The following CADM1 variants were observed in gnomAD, a reference collection of about 807,000 sequenced individuals.
CADM1 encodes TSLC-1.
In CADM1, 15 loss-of-function variants were observed where a neutral mutation model predicts 53.1. The ratio of observed to expected loss-of-function variants is 0.28; its 90% CI spans 0.19 to 0.44. CADM1 has a LOEUF of 0.44. Ranked by LOEUF, CADM1 falls within the 20% of genes least tolerant of loss-of-function variation. The probability of loss-of-function intolerance (pLI) is 1.00; values close to 1 mark genes in which losing one functional copy is unlikely to be tolerated. For missense variants in CADM1, 434 were observed against 611.3 expected, an observed-to-expected ratio of 0.71 and a Z score of 3.06; for synonymous variants, 281 against 243.0, an observed-to-expected ratio of 1.16 and a Z score of -1.45.
At chr11:115,255,680 T>C (rs1942761969) in intron 1 of CADM1, among the ~76,000 whole-genome samples, 1 of 152,214 alleles carries the variant, frequency 6.6e-6, no homozygotes, top group South Asian at 2.1e-4. Flanking sequence ...TCATGAATCC[T>C]AGCCACCAAA....
intron 1 of CADM1, among the ~76,000 whole-genome samples, chr11:115,311,238 A>T (rs550639122): frequency 7.2e-5 from 11 of 152,284 alleles, no homozygotes; most frequent in South Asian, 2.1e-4. Context: ...AAAAATTTTT[A>T]AAAGATTTAA....
intron 1 of CADM1, among the ~76,000 whole-genome samples, chr11:115,277,823 T>C (rs1411196089): frequency 6.6e-6 from 1 of 152,158 alleles, no homozygotes; most frequent in African/African-American, 2.4e-5. Flanking sequence ...ACAGACAGAA[T>C]AGACAAAAAG....
intron 1 of CADM1, among the ~76,000 whole-genome samples, chr11:115,495,870 G>C (rs1949599108): frequency 6.6e-6 from 1 of 152,110 alleles, no homozygotes; most frequent in South Asian, 2.1e-4. Context: ...CTCCTCTAAG[G>C]TGGTGGTATC....
intron 1 of CADM1, among the ~76,000 whole-genome samples, chr11:115,456,619 C>A (rs1054504685): frequency 2.0e-4 from 30 of 152,148 alleles, no homozygotes; most frequent in African/African-American, 7.0e-4. Context: ...GTAGAAAGAG[C>A]ACTGGATAGG....
intron 1 of CADM1, among the ~76,000 whole-genome samples, chr11:115,264,127 T>TA (rs1439520516): frequency 6.6e-6 from 1 of 152,206 alleles, no homozygotes; most frequent in Non-Finnish European, 1.5e-5. Flanking sequence ...ATTCATTTTT[T>TA]ATTAATGCTC....
At chr11:115,363,998 C>T (rs1946093699) in intron 1 of CADM1, among the ~76,000 whole-genome samples, 2 of 151,782 alleles carry the variant, frequency 1.3e-5, no homozygotes, top group Admixed American at 1.3e-4. Flanking sequence ...ATAGCCTAGG[C>T]GTGTCATAGG....
chr11:115,499,034 G>A (rs1221359316), intron 1 of CADM1, among the ~76,000 whole-genome samples: 3 of 151,140 alleles, frequency 2.0e-5, no homozygotes, highest in Admixed American at 2.0e-4. Flanking sequence ...TAATAAAATG[G>A]GAAAAAAGAA....
At chr11:115,354,332 G>T (rs1051726721) in intron 1 of CADM1, among the ~76,000 whole-genome samples, 10 of 152,136 alleles carry the variant, frequency 6.6e-5, no homozygotes, top group African/African-American at 2.4e-4. Flanking sequence ...GTAATGTTCC[G>T]AAGGTCACAC....
At chr11:115,322,026 A>C (rs1944837556) in intron 1 of CADM1, among the ~76,000 whole-genome samples, 1 of 152,212 alleles carries the variant, frequency 6.6e-6, no homozygotes, top group African/African-American at 2.4e-5. Flanking sequence ...GAAAAAAGAA[A>C]TATACCATCT....
chr11:115,400,101 A>T (rs1280135035), intron 1 of CADM1, among the ~76,000 whole-genome samples: 1 of 152,210 alleles, frequency 6.6e-6, no homozygotes, highest in Non-Finnish European at 1.5e-5. Flanking sequence ...AGTCTCTAGA[A>T]ATAGCAAAGA....
chr11:115,481,269 T>A lies in CADM1; in HGVS notation c.124+23002A>T, dbSNP rs545061700. 3.3e-5 allele frequency among the ~76,000 whole-genome samples: 5 copies of A among 152,320 alleles called. No individual in the cohort carries two copies. In the South Asian group the frequency reaches 6.2e-4, roughly 19 times the overall value. On this transcript the variant is annotated intron_variant, in intron 1 of 11. Transcript: ENST00000331581. ...AAAATTGTAAGGTAGAGGTCCCCTATGAATACCTAAGTTCTATAGCCATGG... is the reference window on the plus strand; with the variant it reads ...AAAATTGTAAGGTAGAGGTCCCCTAAGAATACCTAAGTTCTATAGCCATGG...
At chr11:115,186,767 T>C (rs1359420172) in intron 10 of CADM1, among the ~76,000 whole-genome samples, 7 of 152,234 alleles carry the variant, frequency 4.6e-5, no homozygotes, top group African/African-American at 1.7e-4. Flanking sequence ...TTTTCTAAAC[T>C]GACCTCCACC....
Position 115,170,799 on chromosome 11 carries a change from A to G in CADM1, c.*5675T>C, listed in dbSNP as rs1025711441. The G allele has an allele frequency of 6.6e-6, 1 of 152,212 alleles. No individual in the cohort carries two copies. Among genetic ancestry groups the G allele is most frequent in the Non-Finnish European group, 1.5e-5 (1 of 68,036 alleles). The allele number at this position is 152,212 out of a possible 1,614,324, so 9.4% of individuals were successfully genotyped here. Reference sequence around the variant, plus strand: ...ACCCAAAATGATATTCCCTGATACTATTCCAGTGGGTCCTTGAGAATGATA... The same window carrying G: ...ACCCAAAATGATATTCCCTGATACTGTTCCAGTGGGTCCTTGAGAATGATA... On this transcript the variant is annotated 3_prime_UTR_variant, in exon 12 of 12. Coordinates refer to ENST00000331581, the MANE Select transcript of CADM1 (RefSeq NM_001301043.2).
At chr11:115,223,491 CCACAGCCA>C (rs1473165704) in intron 5 of CADM1, among the ~76,000 whole-genome samples, 1 of 152,128 alleles carries the variant, frequency 6.6e-6, no homozygotes, top group Non-Finnish European at 1.5e-5. Context: ...TATTCAATGT[CCACAGCCA>C]CACAGACACA....
At chr11:115,437,349 A>C (rs1948206875) in intron 1 of CADM1, among the ~76,000 whole-genome samples, 1 of 152,224 alleles carries the variant, frequency 6.6e-6, no homozygotes, top group Non-Finnish European at 1.5e-5. Flanking sequence ...AGCTGGGCCT[A>C]GATAGACAAG....
intron 9 of CADM1, 139 bp from the exon 10 acceptor site, chr11:115,191,080 A>ATGG: frequency 1.5e-6 from 1 of 677,946 alleles, no homozygotes; most frequent in Non-Finnish European, 2.5e-6. Flanking sequence ...TGAATGTATT[A>ATGG]ATCCATAAGT....
chr11:115,387,640 A>G (rs191867137), intron 1 of CADM1, among the ~76,000 whole-genome samples: 65 of 152,268 alleles, frequency 4.3e-4, no homozygotes, highest in African/African-American at 1.4e-3. Flanking sequence ...TAAATGAACA[A>G]ATGTGTTAGG....
At chr11:115,181,186 GAC>G (rs1483025424) in intron 10 of CADM1, among the ~76,000 whole-genome samples, 2 of 151,202 alleles carry the variant, frequency 1.3e-5, no homozygotes, top group Non-Finnish European at 2.9e-5. Flanking sequence ...GGAGGGGAGA[GAC>G]AGAGAGAGGC....
chr11:115,289,786 G>C (rs543460485), intron 1 of CADM1, among the ~76,000 whole-genome samples: 1 of 151,672 alleles, frequency 6.6e-6, no homozygotes, highest in African/African-American at 2.4e-5. Context: ...TAGTAGAGAG[G>C]GGTTTTCACT....
Sources: gnomAD v4.1 joint callset for allele counts (sites outside exome capture counted in the v4.1 genomes callset) on GRCh38, gnomAD v4.1.1 for gene constraint, MANE v1.5 for transcripts, NCBI Gene and HGNC (gene_info 2026-07-23, HGNC 2026-07-21) for gene names.